Variants in GPR137B observed in about 807,000 individuals in gnomAD.
GPR137B encodes integral membrane protein GPR137B.
Under a neutral mutation model 42.5 loss-of-function variants are expected in GPR137B, and 42 were observed. The ratio of observed to expected loss-of-function variants is 0.99; its 90% CI spans 0.77 to 1.28. The LOEUF is 1.28. Among genes scored for constraint, GPR137B ranks in the 50% most tolerant of loss-of-function variants. The pLI is 0.00. For synonymous variants in GPR137B, 218 were observed against 209.7 expected (o/e 1.04, Z -0.34); for missense variants, 487 against 493.9 (o/e 0.99, Z 0.13).
At chr1:236,186,262 T>TATATAA (rs1352149541) in intron 5 of GPR137B, among the ~76,000 whole-genome samples, 41 of 22,870 alleles carry the variant, frequency 1.8e-3, no homozygotes, top group East Asian at 7.4e-3. Context: ...ATAATATATA[T>TATATAA]TATATATTAT....
Position 236,142,863 on chromosome 1 carries a change from T to G in GPR137B, c.241T>G (p.Phe81Val), listed in dbSNP as rs1198899860. 10 of 1,614,098 alleles carry G rather than the reference T, an allele frequency of 6.2e-6. No individual in the cohort carries two copies. The highest frequency in any genetic ancestry group is 2.7e-5 in the African/African-American group (2 of 74,938). The change falls in exon 1 of 7, where the codon TTC (phenylalanine) becomes GTC (valine). Residue 81 changes from phenylalanine (F) to valine (V), a missense_variant. Physicochemically the swap from Phe to Val is conservative, Grantham distance 50. Transcript: ENST00000366592. ...CAAGCGGCTCAGCTACCAGAGCGTC[T>G]TCCTCTTTCTCTGCCTCTTCTGGGC... Reference protein sequence around the residue: ...RHKRLSYQSVFLFLCLFWASL... With the variant: ...RHKRLSYQSVVLFLCLFWASL...
intron 5 of GPR137B, among the ~76,000 whole-genome samples, chr1:236,185,634 C>G (rs1205759563): frequency 6.6e-6 from 1 of 152,240 alleles, no homozygotes; most frequent in Non-Finnish European, 1.5e-5. Context: ...CAGCTCACCT[C>G]AGCCTTGACC....
chr1:236,185,871 C>T (rs1558491148), intron 5 of GPR137B, among the ~76,000 whole-genome samples: 1 of 152,042 alleles, frequency 6.6e-6, no homozygotes, highest in Admixed American at 6.6e-5. Flanking sequence ...AATTTTAGAA[C>T]ACTTTCATCA....
intron 5 of GPR137B, among the ~76,000 whole-genome samples, chr1:236,196,690 T>C (rs142623369): frequency 2.0e-5 from 3 of 152,214 alleles, no homozygotes; most frequent in African/African-American, 7.2e-5. Flanking sequence ...CTCCTGCTTA[T>C]AAGTGAGAAG....
chr1:236,208,366 G>A lies in GPR137B; in HGVS notation c.*208G>A. The A allele has an allele frequency of 8.2e-7, 1 of 1,213,544 alleles. No homozygotes were observed. The allele number at this position is 1,213,544 out of a possible 1,614,324, so 75.2% of individuals were successfully genotyped here. On this transcript the variant is annotated 3_prime_UTR_variant, in exon 7 of 7. Transcript: ENST00000366592. The stretch of plus-strand genomic sequence containing the variant: ...AAAGAGGGAGCCTTGCTATTTCAGT[G>A]GGTATAATTTAAACTTTTTAAAGAA...
At chr1:236,182,598 AT>A (rs1662916062) in intron 4 of GPR137B, among the ~76,000 whole-genome samples, 1 of 152,104 alleles carries the variant, frequency 6.6e-6, no homozygotes, top group South Asian at 2.1e-4. Context: ...AAATTAAAAA[AT>A]AACCCAGGCA....
At chr1:236,181,142 TAA>T (rs1662861275) in intron 4 of GPR137B, among the ~76,000 whole-genome samples, 1 of 152,162 alleles carries the variant, frequency 6.6e-6, no homozygotes, top group Non-Finnish European at 1.5e-5. Flanking sequence ...CTGAGGATAT[TAA>T]AGTTTTATAA....
At position 236,178,430 on chromosome 1, in the gene GPR137B, G is replaced by A. The variant is rs964787675; in HGVS notation, c.481G>A (p.Ala161Thr). Residue 161 changes from alanine (A) to threonine (T), a missense_variant, in exon 3 of 7, where the codon GCC becomes ACC. Physicochemically the swap from Ala to Thr is moderately conservative, Grantham distance 58. Transcript: ENST00000366592. ...GCCTTCCAGGTTGCCCCTCTACCTG[G>A]CCTCCCTCTTCATCAGCCTTGTTTT... ...LLKYRLPLYL[A>T]SLFISLVFLL... is the part of the protein sequence containing the mutation. 1.4e-5 allele frequency: 23 copies of A among 1,613,096 alleles called. No individual in the cohort carries two copies. The highest frequency in any genetic ancestry group is 5.0e-5 in the Admixed American group (3 of 59,974).
At chr1:236,187,431 C>A (rs1663066296) in intron 5 of GPR137B, among the ~76,000 whole-genome samples, 1 of 152,114 alleles carries the variant, frequency 6.6e-6, no homozygotes, top group Non-Finnish European at 1.5e-5. Flanking sequence ...ATGGTATTGC[C>A]TAGGTTTTCT....
intron 5 of GPR137B, among the ~76,000 whole-genome samples, chr1:236,198,016 C>T (rs1047558355): frequency 3.3e-5 from 5 of 152,086 alleles, no homozygotes; most frequent in Admixed American, 1.3e-4. Context: ...CCACTGCATC[C>T]GGCCCTGCCT....
intron 1 of GPR137B, among the ~76,000 whole-genome samples, chr1:236,143,652 C>T (rs1426967230): frequency 6.6e-6 from 1 of 152,184 alleles, no homozygotes; most frequent in African/African-American, 2.4e-5. Context: ...GCTGCTGCCG[C>T]TCATCAGAGT....
intron 1 of GPR137B, among the ~76,000 whole-genome samples, chr1:236,151,730 C>T (rs961572696): frequency 6.6e-6 from 1 of 151,916 alleles, no homozygotes; most frequent in Non-Finnish European, 1.5e-5. Context: ...CCTCCCTCCT[C>T]GATTTTTAAA....
chr1:236,158,202 T>A (rs1210085120), intron 1 of GPR137B, among the ~76,000 whole-genome samples: 5 of 152,150 alleles, frequency 3.3e-5, no homozygotes, highest in Non-Finnish European at 5.9e-5. Flanking sequence ...GGTGGGTGGA[T>A]CACCTGAGGT....
At chr1:236,167,577 C>G (rs74150309) in intron 1 of GPR137B, among the ~76,000 whole-genome samples, 5,717 of 152,210 alleles carry the variant, frequency 0.038, 395 homozygotes, top group African/African-American at 0.13. Context: ...CCGGAATGGG[C>G]GTCTTCAGAT....
chr1:236,206,970 A>G (rs2102929132), intron 6 of GPR137B, among the ~76,000 whole-genome samples: 1 of 152,292 alleles, frequency 6.6e-6, no homozygotes, highest in Admixed American at 6.5e-5. Flanking sequence ...ATCTTATGTA[A>G]TCTTTTGTAA....
intron 2 of GPR137B, 71 bp from the exon 3 acceptor site, chr1:236,178,343 A>G (rs994140838): frequency 3.4e-5 from 31 of 910,592 alleles, no homozygotes; most frequent in Non-Finnish European, 5.3e-5. Context: ...GCAGTTCACC[A>G]AAACACATCT....
At chr1:236,163,337 C>G (rs1268138284) in intron 1 of GPR137B, among the ~76,000 whole-genome samples, 2 of 152,128 alleles carry the variant, frequency 1.3e-5, no homozygotes, top group Non-Finnish European at 2.9e-5. Flanking sequence ...AAGGGACTTG[C>G]CTTATCACAG....
intron 5 of GPR137B, among the ~76,000 whole-genome samples, chr1:236,195,290 A>G (rs1266396785): frequency 2.7e-5 from 4 of 150,470 alleles, no homozygotes; most frequent in Non-Finnish European, 5.9e-5. Context: ...TCTGGCAACC[A>G]TCCTTCTCCT....
At chr1:236,162,833 C>T (rs891132481) in intron 1 of GPR137B, among the ~76,000 whole-genome samples, 2 of 152,220 alleles carry the variant, frequency 1.3e-5, no homozygotes, top group Non-Finnish European at 2.9e-5. Context: ...GGGTGGGGCC[C>T]TCATGGAGAA....
Sources: allele counts gnomAD v4.1 joint callset (sites outside exome capture counted in the v4.1 genomes callset), GRCh38; gene constraint gnomAD v4.1.1; transcripts MANE v1.5; gene names NCBI Gene and HGNC (gene_info 2026-07-23, HGNC 2026-07-21).